Variants in MAP1LC3C observed in about 807,000 individuals in gnomAD.
MAP1LC3C encodes the protein microtubule-associated protein 1 light chain 3 gamma.
Under a neutral mutation model 10.4 loss-of-function variants are expected in MAP1LC3C, and 12 were observed. That is an observed-to-expected ratio of 1.15 (90% confidence interval 0.74 to 1.86). The LOEUF is 1.86. Among genes scored for constraint, MAP1LC3C ranks in the 40% most tolerant of loss-of-function variants. The probability of loss-of-function intolerance (pLI) is 0.00; values close to 1 mark genes in which losing one functional copy is unlikely to be tolerated. For synonymous variants in MAP1LC3C, 70 were observed against 69.0 expected, an observed-to-expected ratio of 1.01 and a Z score of -0.07; for missense variants, 177 against 185.7, an observed-to-expected ratio of 0.95 and a Z score of 0.27.
chr1:241,996,259 G>A lies in MAP1LC3C; in HGVS notation c.348C>T (p.Tyr116=). Residue 116 remains tyrosine, a synonymous_variant, in exon 4 of 4, where the codon TAC becomes TAT. Coordinates refer to ENST00000357246, the MANE Select transcript of MAP1LC3C (RefSeq NM_001004343.3). ...RDYKDEDGFV[Y]MTYASQETFG... ...ATGTCTCCTGGGAGGCGTAGGTCAT[G>A]TACACGAAGCCATCCTCATCCTTGT... The A allele has an allele frequency of 2.5e-6, 4 of 1,614,198 alleles. No homozygotes were observed. The highest frequency in any genetic ancestry group is 3.4e-6 in the Non-Finnish European group (4 of 1,180,034).
upstream of MAP1LC3C, among the ~76,000 whole-genome samples, chr1:242,001,375 A>T (rs1296801308): frequency 6.6e-6 from 1 of 152,130 alleles, no homozygotes; most frequent in Non-Finnish European, 1.5e-5. Flanking sequence ...GTACTTTAGG[A>T]GGCGGAGGTG....
chr1:241,996,905 G>A (rs1167331958), intron 3 of MAP1LC3C, among the ~76,000 whole-genome samples: 4 of 1,064 alleles, frequency 3.8e-3, no homozygotes, highest in South Asian at 0.036. Context: ...GCAAGACTGC[G>A]TCTCAAAAAA....
At chr1:241,998,695 G>A in intron 2 of MAP1LC3C, 75 bp from the exon 3 acceptor site, 1 of 1,609,328 alleles carries the variant, frequency 6.2e-7, no homozygotes, top group Non-Finnish European at 8.5e-7. Flanking sequence ...GAGGGAAGCT[G>A]TTGGCTGCTC....
chr1:242,000,092 A>G (rs1295880858), upstream of MAP1LC3C, among the ~76,000 whole-genome samples: 1 of 152,084 alleles, frequency 6.6e-6, no homozygotes, highest in Non-Finnish European at 1.5e-5. Flanking sequence ...ACACCGAGCA[A>G]TCACTTCTAC....
chr1:241,998,393 C>A, intron 3 of MAP1LC3C, 121 bp downstream of exon 3: 1 of 740,070 alleles, frequency 1.4e-6, no homozygotes, highest in Non-Finnish European at 2.3e-6. Flanking sequence ...TCAAAAAAAT[C>A]TCTTTCCTCT....
chr1:241,999,131 G>A, upstream of MAP1LC3C: 1 of 1,457,158 alleles, frequency 6.9e-7, no homozygotes, highest in South Asian at 1.5e-5. Flanking sequence ...CCCTTATGTA[G>A]GGCTGAGTGA....
Position 241,995,907 on chromosome 1 carries a change from A to C in MAP1LC3C, c.*256T>G. 1 of 340,682 alleles carries C rather than the reference A, an allele frequency of 2.9e-6. No homozygotes were observed. Among genetic ancestry groups the C allele is most frequent in the Non-Finnish European group, 5.4e-6 (1 of 183,926 alleles). The allele number at this position is 340,682 out of a possible 1,614,324, so 21.1% of individuals were successfully genotyped here. ...GTGCTCCAGCCTAGGCAATAGAGCA[A>C]GACCCTGTTTCAAAAAAAAAAAAAT... is the stretch of plus-strand genomic sequence containing the variant. On this transcript the variant is annotated 3_prime_UTR_variant, in exon 4 of 4. Coordinates refer to ENST00000357246, the MANE Select transcript of MAP1LC3C (RefSeq NM_001004343.3).
At chr1:241,997,196 G>A (rs1665102941) in intron 3 of MAP1LC3C, among the ~76,000 whole-genome samples, 1 of 152,008 alleles carries the variant, frequency 6.6e-6, no homozygotes, top group Non-Finnish European at 1.5e-5. Context: ...ACTGCGCCTG[G>A]CCCTAATCCT....
Position 241,995,926 on chromosome 1 carries a change from A to G in MAP1LC3C, c.*237T>C. 2 of 400,918 alleles carry G rather than the reference A, an allele frequency of 5.0e-6. No individual in the cohort carries two copies. Among genetic ancestry groups the G allele is most frequent in the South Asian group, 6.3e-5 (1 of 15,928 alleles). 24.8% of individuals were successfully genotyped at this position (400,918 alleles called of 1,614,324 possible). ...AGAGCAAGACCCTGTTTCAAAAAAA[A>G]AAAAATGATAATTATATAACTTTCA... On this transcript the variant is annotated 3_prime_UTR_variant, in exon 4 of 4. Transcript: ENST00000357246.
At chr1:242,000,280 G>T (rs1401443778), upstream of MAP1LC3C, among the ~76,000 whole-genome samples, 1 of 152,162 alleles carries the variant, frequency 6.6e-6, no homozygotes, top group Admixed American at 6.5e-5. Flanking sequence ...TTGCTCTGTT[G>T]CCCAGGCTGG....
upstream of MAP1LC3C, among the ~76,000 whole-genome samples, chr1:242,000,648 G>A (rs879261430): frequency 5.3e-5 from 8 of 152,070 alleles, no homozygotes; most frequent in African/African-American, 1.9e-4. Flanking sequence ...CACTTTTACC[G>A]GCTTATTACA....
chr1:241,997,065 A>G (rs1188183642), intron 3 of MAP1LC3C, among the ~76,000 whole-genome samples: 1 of 151,264 alleles, frequency 6.6e-6, no homozygotes, highest in East Asian at 2.0e-4. Context: ...CACCTGGGTA[A>G]TTTTTGTATT....
Position 241,995,603 on chromosome 1 carries a change from AGC to A in MAP1LC3C, c.*558_*559del, listed in dbSNP as rs1665068256. 1 of 152,656 alleles carries A rather than the reference AGC, an allele frequency of 6.6e-6. No individual in the cohort carries two copies. Among genetic ancestry groups the A allele is most frequent in the African/African-American group, 2.4e-5 (1 of 41,456 alleles). 9.5% of individuals were successfully genotyped at this position (152,656 alleles called of 1,614,324 possible). On this transcript the variant is annotated 3_prime_UTR_variant, in exon 4 of 4. Coordinates refer to ENST00000357246, the MANE Select transcript of MAP1LC3C (RefSeq NM_001004343.3). ...GCTCATTACACAAAACCATCACACA[AGC>A]CAACCATTTCTTATTTAGAATACGG...
chr1:241,997,230 C>T (rs1180378727), intron 3 of MAP1LC3C, among the ~76,000 whole-genome samples: 4 of 152,116 alleles, frequency 2.6e-5, no homozygotes, highest in Non-Finnish European at 5.9e-5. Flanking sequence ...CCTTGGCCAT[C>T]TTCCATTCAC....
rs752135369 is a variant in MAP1LC3C at position 241,996,238 on chromosome 1, C to G, written c.369G>C (p.Glu123Asp). The G allele has an allele frequency of 3.7e-6, 6 of 1,614,046 alleles. No individual in the cohort carries two copies. The African/African-American group carries it at 8.0e-5, about 22-fold the overall frequency. The part of the protein sequence containing the change: ...GFVYMTYASQ[E>D]TFGCLESAAP... ...CTGCTGACTCCAGGCAGCCAAATGT[C>G]TCCTGGGAGGCGTAGGTCATGTACA... The change falls in exon 4 of 4, where the codon GAG becomes GAC. Residue 123 changes from glutamate (E) to aspartate (D), a missense_variant. Coordinates refer to ENST00000357246, the MANE Select transcript of MAP1LC3C (RefSeq NM_001004343.3).
chr1:241,996,895 G>C (rs1365532190), intron 3 of MAP1LC3C, among the ~76,000 whole-genome samples: 5 of 36,662 alleles, frequency 1.4e-4, no homozygotes, highest in Non-Finnish European at 1.7e-4. Flanking sequence ...TGGTGACAGA[G>C]CAAGACTGCG....
upstream of MAP1LC3C, among the ~76,000 whole-genome samples, chr1:242,000,056 TGTGTGG>T (rs1665166015): frequency 6.6e-6 from 1 of 151,844 alleles, no homozygotes; most frequent in African/African-American, 2.4e-5. Context: ...TGTGTGTGTG[TGTGTGG>T]GTGGGTGGGG....
Position 241,996,063 on chromosome 1 carries a change from C to T in MAP1LC3C, c.*100G>A, listed in dbSNP as rs541125593. 11 of 1,083,094 alleles carry T rather than the reference C, an allele frequency of 1.0e-5. No homozygotes were observed. The South Asian group carries it at 1.5e-4, about 14-fold the overall frequency. The allele number at this position is 1,083,094 out of a possible 1,614,324, so 67.1% of individuals were successfully genotyped here. Reference sequence around the variant, plus strand: ...GTTGGAGCTGATCACCCCAGGCATCCCTGCTTCTCAGACTCCTCCACTGTA... The same window carrying T: ...GTTGGAGCTGATCACCCCAGGCATCTCTGCTTCTCAGACTCCTCCACTGTA... On this transcript the variant is annotated 3_prime_UTR_variant, in exon 4 of 4. Transcript: ENST00000357246.
At chr1:241,996,996 T>A (rs1665098815) in intron 3 of MAP1LC3C, among the ~76,000 whole-genome samples, 1 of 151,690 alleles carries the variant, frequency 6.6e-6, no homozygotes, top group Non-Finnish European at 1.5e-5. Context: ...TTCACTTTTT[T>A]TTTTTGATTC....
Sources: allele counts gnomAD v4.1 joint callset (sites outside exome capture counted in the v4.1 genomes callset), GRCh38; gene constraint gnomAD v4.1.1; transcripts MANE v1.5; gene names NCBI Gene and HGNC (gene_info 2026-07-23, HGNC 2026-07-21).